SGCZ: variants seen among roughly 807,000 people sequenced by gnomAD.
SGCZ encodes sarcoglycan zeta.
SGCZ carries 40 observed loss-of-function variants against 41.3 expected under a neutral mutation model. The ratio of observed to expected loss-of-function variants is 0.97; its 90% CI spans 0.75 to 1.26. The LOEUF is 1.26. Among genes scored for constraint, SGCZ ranks in the 50% most tolerant of loss-of-function variants. The probability of loss-of-function intolerance (pLI) is 0.00; values close to 1 mark genes in which losing one functional copy is unlikely to be tolerated. For missense variants in SGCZ, 552 were observed against 369.8 expected, an observed-to-expected ratio of 1.49 and a Z score of -4.04; for synonymous variants, 206 against 137.5, an observed-to-expected ratio of 1.50 and a Z score of -3.49.
chr8:14,748,564 A>C (rs116289993), intron 1 of SGCZ, among the ~76,000 whole-genome samples: 39 of 152,308 alleles, frequency 2.6e-4, no homozygotes, highest in African/African-American at 8.9e-4. Flanking sequence ...ATGCATTGGA[A>C]TATTTCGGCA....
At chr8:14,478,684 T>C (rs550302530) in intron 2 of SGCZ, among the ~76,000 whole-genome samples, 2 of 152,212 alleles carry the variant, frequency 1.3e-5, no homozygotes, top group Non-Finnish European at 2.9e-5. Context: ...GGTTGATTTG[T>C]TTCAGCTTAA....
At chr8:14,704,720 A>C (rs1809273637) in intron 1 of SGCZ, among the ~76,000 whole-genome samples, 1 of 151,936 alleles carries the variant, frequency 6.6e-6, no homozygotes, top group African/African-American at 2.4e-5. Flanking sequence ...TCAGTTTATT[A>C]AGTGTTTTTT....
chr8:14,496,238 A>T (rs74906115), intron 2 of SGCZ, among the ~76,000 whole-genome samples: 2 of 113,424 alleles, frequency 1.8e-5, no homozygotes, highest in Non-Finnish European at 3.8e-5. Context: ...GCTAATTTTT[A>T]AATTTTTTTT....
intron 1 of SGCZ, among the ~76,000 whole-genome samples, chr8:14,944,445 A>T (rs1283467323): frequency 6.6e-5 from 10 of 152,230 alleles, no homozygotes; most frequent in Admixed American, 6.5e-4. Context: ...TATGTGAGTT[A>T]TGAGTATACT....
chr8:14,763,447 A>G (rs1799949611), intron 1 of SGCZ, among the ~76,000 whole-genome samples: 1 of 152,100 alleles, frequency 6.6e-6, no homozygotes, highest in Non-Finnish European at 1.5e-5. Flanking sequence ...TGCGCCCTAC[A>G]ACTGTTGTTA....
chr8:14,321,557 A>G (rs749028147), intron 3 of SGCZ, among the ~76,000 whole-genome samples: 1 of 152,110 alleles, frequency 6.6e-6, no homozygotes, highest in Non-Finnish European at 1.5e-5. Flanking sequence ...ATTTTAAATA[A>G]GAAAATTCTG....
chr8:14,690,733 G>C (rs1201470922), intron 1 of SGCZ: 1 of 152,068 alleles, frequency 6.6e-6, no homozygotes, highest in Non-Finnish European at 1.5e-5. Flanking sequence ...ATTCTGTTCA[G>C]AATATGGCTC....
chr8:15,237,439 C>T, intron 1 of SGCZ, 146 bp downstream of exon 1: 1 of 951,428 alleles, frequency 1.1e-6, no homozygotes, highest in Non-Finnish European at 1.6e-6. Context: ...GGGGCGCCTG[C>T]GCCCGGGTGC....
At position 15,077,159 on chromosome 8, in the gene SGCZ, G is replaced by A. The variant is rs573894522; in HGVS notation, c.39+160426C>T. Among the ~76,000 whole-genome samples the A allele has an allele frequency of 2.0e-4, 31 of 152,190 alleles. No homozygotes were observed. In the East Asian group the frequency reaches 5.0e-3, roughly 25 times the overall value. ...AACAGAAAAAGTCAGAAGTTCACTC[G>A]ATATTTTGAAGATATACTTGACCAA... is the stretch of plus-strand genomic sequence containing the variant. On this transcript the variant is annotated intron_variant, in intron 1 of 7. Transcript: ENST00000382080.
intron 1 of SGCZ, among the ~76,000 whole-genome samples, chr8:14,714,993 C>A (rs780134180): frequency 3.9e-5 from 6 of 152,088 alleles, no homozygotes; most frequent in South Asian, 2.1e-4. Context: ...AGTGGTTTAG[C>A]CTTCCAATGG....
intron 1 of SGCZ, among the ~76,000 whole-genome samples, chr8:15,108,899 T>C (rs1806937938): frequency 1.3e-5 from 2 of 152,022 alleles, no homozygotes; most frequent in Admixed American, 1.3e-4. Flanking sequence ...CAGTGACAGA[T>C]ACAGGTTATC....
chr8:14,402,469 G>A (rs1027809003), intron 2 of SGCZ, among the ~76,000 whole-genome samples: 2 of 151,356 alleles, frequency 1.3e-5, no homozygotes, highest in African/African-American at 4.9e-5. Context: ...TTTTGTATAA[G>A]GTGTAAGGAA....
chr8:14,528,907 T>A (rs2117119659), intron 2 of SGCZ, among the ~76,000 whole-genome samples: 1 of 151,778 alleles, frequency 6.6e-6, no homozygotes, highest in Admixed American at 6.6e-5. Context: ...TTTTTCATAT[T>A]TAGAAGGGAT....
intron 2 of SGCZ, among the ~76,000 whole-genome samples, chr8:14,525,539 G>C (rs1363160965): frequency 6.6e-6 from 1 of 151,998 alleles, no homozygotes; most frequent in Non-Finnish European, 1.5e-5. Flanking sequence ...ATGATCATGA[G>C]AAAGATTATA....
At chr8:14,460,996 A>G (rs1288205268) in intron 2 of SGCZ, among the ~76,000 whole-genome samples, 1 of 152,158 alleles carries the variant, frequency 6.6e-6, no homozygotes, top group Non-Finnish European at 1.5e-5. Context: ...TGTTTCCCAT[A>G]GGAAAATGTT....
At chr8:15,009,931 ATCTT>A (rs1161653874) in intron 1 of SGCZ, among the ~76,000 whole-genome samples, 6 of 152,212 alleles carry the variant, frequency 3.9e-5, no homozygotes, top group Non-Finnish European at 8.8e-5. Flanking sequence ...GTCTTCTGCT[ATCTT>A]TCTGTAACTC....
intron 1 of SGCZ, among the ~76,000 whole-genome samples, chr8:14,688,511 G>A (rs1207635766): frequency 1.3e-5 from 2 of 152,062 alleles, no homozygotes; most frequent in Non-Finnish European, 2.9e-5. Context: ...TTGTAGATAT[G>A]CAGCATTATT....
intron 5 of SGCZ, among the ~76,000 whole-genome samples, chr8:14,140,225 G>A (rs555770353): frequency 1.3e-5 from 2 of 152,196 alleles, no homozygotes; most frequent in East Asian, 1.9e-4. Flanking sequence ...ATACTGAATG[G>A]GCAAAAACTG....
rs1472239628 is a variant in SGCZ, at chr8:14,348,598, T to G, written c.235-24394A>C. Among the ~76,000 whole-genome samples, 9 of 152,142 alleles carry G rather than the reference T, an allele frequency of 5.9e-5. No homozygotes were observed. In the East Asian group the frequency reaches 1.7e-3, roughly 29 times the overall value. Reference sequence around the variant, plus strand: ...CCGAATGCTGGCATACAACTGAAACTTGGCATATATTCGCTGAAAAAAATG... The same window carrying G: ...CCGAATGCTGGCATACAACTGAAACGTGGCATATATTCGCTGAAAAAAATG... On this transcript the variant is annotated intron_variant, in intron 2 of 7. Transcript: ENST00000382080.
Sources: allele counts gnomAD v4.1 joint callset (sites outside exome capture counted in the v4.1 genomes callset), GRCh38; gene constraint gnomAD v4.1.1; transcripts MANE v1.5; gene names NCBI Gene and HGNC (gene_info 2026-07-23, HGNC 2026-07-21).